Variants in CYP3A5 observed in about 807,000 individuals in gnomAD.
CYP3A5 encodes cytochrome P450 3A5.
CYP3A5 carries 51 observed loss-of-function variants against 55.9 expected under a neutral mutation model. That is an observed-to-expected ratio of 0.91 (90% CI 0.73 to 1.15). The LOEUF is 1.15. Ranked by LOEUF, CYP3A5 falls within the 50% of genes most tolerant of loss-of-function variation. The probability of loss-of-function intolerance (pLI) is 0.00; values close to 1 mark genes in which losing one functional copy is unlikely to be tolerated. For synonymous variants in CYP3A5, 196 were observed against 213.9 expected (o/e 0.92, Z 0.73); for missense variants, 533 against 596.6 (o/e 0.89, Z 1.11).
intron 1 of CYP3A5, chr7:99,677,143 G>T: frequency 1.0e-6 from 1 of 979,280 alleles, no homozygotes; most frequent in Non-Finnish European, 1.2e-6. Context: ...GGCCTGCCTG[G>T]AACTCATCTT....
At chr7:99,673,161 G>A (rs1563002100) in intron 3 of CYP3A5, among the ~76,000 whole-genome samples, 1 of 152,206 alleles carries the variant, frequency 6.6e-6, no homozygotes, top group Non-Finnish European at 1.5e-5. Flanking sequence ...GACATCTAGA[G>A]CTGTGTCATC....
intron 1 of CYP3A5, among the ~76,000 whole-genome samples, chr7:99,677,801 T>C (rs1812435041): frequency 6.6e-6 from 1 of 152,202 alleles, no homozygotes. Flanking sequence ...GTCAAATCAA[T>C]GACACTAATC....
At chr7:99,663,670 C>T (rs936054543) in intron 8 of CYP3A5, 2 of 1,026,028 alleles carry the variant, frequency 1.9e-6, no homozygotes, top group Admixed American at 5.6e-5. Flanking sequence ...AAACAGGAAA[C>T]TTTATCCTTT....
In CYP3A5 at chr7:99,664,109, A is replaced by G. The variant is rs1584442626; in HGVS notation, c.671-14T>C. 2 of 1,551,732 alleles carry G rather than the reference A, an allele frequency of 1.3e-6. No individual in the cohort carries two copies. The highest frequency in any genetic ancestry group is 1.3e-5 in the South Asian group (1 of 79,784). Reference sequence around the variant, plus strand: ...ATGGAAAGAGTACTGTGGGAAAAACAAAACAAACAAAAGGAAATCATTGAA... The same window carrying G: ...ATGGAAAGAGTACTGTGGGAAAAACGAAACAAACAAAAGGAAATCATTGAA... On this transcript the variant is annotated splice_polypyrimidine_tract_variant and intron_variant, in intron 7 of 12. Coordinates refer to ENST00000222982, the MANE Select transcript of CYP3A5 (RefSeq NM_000777.5).
intron 4 of CYP3A5, among the ~76,000 whole-genome samples, chr7:99,667,352 T>C (rs544243208): frequency 4.6e-4 from 70 of 152,302 alleles, no homozygotes; most frequent in African/African-American, 1.6e-3. Flanking sequence ...AGGGAACTGT[T>C]CTTCCAGTGG....
At chr7:99,655,778 T>C (rs1809661586) in intron 10 of CYP3A5, among the ~76,000 whole-genome samples, 1 of 152,248 alleles carries the variant, frequency 6.6e-6, no homozygotes, top group African/African-American at 2.4e-5. Flanking sequence ...GTAATTCTCC[T>C]TGAAGAGGTC....
intron 10 of CYP3A5, 53 bp from the exon 11 acceptor site, chr7:99,652,832 A>G (rs1356689697): frequency 7.3e-7 from 1 of 1,375,492 alleles, no homozygotes; most frequent in Non-Finnish European, 1.0e-6. Context: ...TTAACTCTCA[A>G]CTGAGTCCAT....
intron 11 of CYP3A5, among the ~76,000 whole-genome samples, chr7:99,651,281 T>C (rs1809162180): frequency 6.6e-6 from 1 of 152,218 alleles, no homozygotes; most frequent in Non-Finnish European, 1.5e-5. Context: ...CATATACGTA[T>C]ATATCACATG....
chr7:99,678,515 T>C (rs975675514), intron 1 of CYP3A5, among the ~76,000 whole-genome samples: 7 of 152,194 alleles, frequency 4.6e-5, no homozygotes, highest in African/African-American at 1.7e-4. Context: ...TGCAGTCTTG[T>C]CTTAGAGGTA....
chr7:99,656,580 A>T (rs1016489146), intron 10 of CYP3A5, among the ~76,000 whole-genome samples: 1 of 152,140 alleles, frequency 6.6e-6, no homozygotes, highest in African/African-American at 2.4e-5. Context: ...TGGTATCAGG[A>T]TGATGCTGGC....
intron 8 of CYP3A5, 69 bp downstream of exon 8, chr7:99,663,899 C>G: frequency 6.6e-7 from 1 of 1,512,618 alleles, no homozygotes; most frequent in Non-Finnish European, 8.8e-7. Flanking sequence ...GATACATGCT[C>G]TATCATGTGT....
chr7:99,650,429 T>C (rs1033937190), intron 11 of CYP3A5, among the ~76,000 whole-genome samples, 197 bp from the exon 12 acceptor site: 11 of 152,230 alleles, frequency 7.2e-5, no homozygotes, highest in African/African-American at 1.9e-4. Flanking sequence ...CTTTAAATTC[T>C]CCATACCCTA....
intron 9 of CYP3A5, among the ~76,000 whole-genome samples, chr7:99,661,169 A>G (rs1031133787): frequency 1.3e-5 from 2 of 152,228 alleles, no homozygotes; most frequent in Admixed American, 6.5e-5. Context: ...TAAAGGACCA[A>G]TACTGAGCTA....
chr7:99,671,805 T>C, intron 4 of CYP3A5: 1 of 702,942 alleles, frequency 1.4e-6, no homozygotes, highest in Non-Finnish European at 2.6e-6. Flanking sequence ...ATGTTGTGAC[T>C]GTAGGACAGC....
chr7:99,672,880 G>A, intron 3 of CYP3A5: 3 of 1,391,322 alleles, frequency 2.2e-6, no homozygotes, highest in South Asian at 1.6e-5. Flanking sequence ...GGCTTCATAT[G>A]ATGAAGGGTA....
Position 99,654,484 on chromosome 7 carries a change from T to G in CYP3A5, c.1027-1705A>C, listed in dbSNP as rs895983551. ...ATTTTCTTAATCCAGTCTATCATTATTGGACATTTGGGTTGGTTCCAAGTC... is the reference window on the plus strand; with the variant it reads ...ATTTTCTTAATCCAGTCTATCATTAGTGGACATTTGGGTTGGTTCCAAGTC... On this transcript the variant is annotated intron_variant, in intron 10 of 12. Transcript: ENST00000222982. Among the ~76,000 whole-genome samples the G allele has an allele frequency of 2.0e-5, 3 of 152,242 alleles. No individual in the cohort carries two copies. In the East Asian group the frequency reaches 5.8e-4, roughly 29 times the overall value.
At chr7:99,676,876 G>A (rs1273193314) in intron 1 of CYP3A5, among the ~76,000 whole-genome samples, 1 of 152,046 alleles carries the variant, frequency 6.6e-6, no homozygotes, top group African/African-American at 2.4e-5. Flanking sequence ...CAGCTTTCAG[G>A]TACACCTCAG....
chr7:99,659,101 C>T (rs1485713529), intron 10 of CYP3A5: 1 of 152,240 alleles, frequency 6.6e-6, no homozygotes, highest in Non-Finnish European at 1.5e-5. Context: ...CATTCTCCAT[C>T]CAGCTTTCCG....
rs1170188103 is a variant in CYP3A5 at position 99,662,813 on chromosome 7, T to C, written c.865+3A>G. 1.2e-6 allele frequency: 2 copies of C among 1,613,656 alleles called. No individual in the cohort carries two copies. The highest frequency in any genetic ancestry group is 1.7e-5 in the Admixed American group (1 of 59,998). On this transcript the variant is annotated splice_donor_region_variant and intron_variant, in intron 9 of 12. Transcript: ENST00000222982. The surrounding 1 kb of genome is among the most constrained non-coding windows in gnomAD (Gnocchi z 4.3). ...GTAGCCCTCAGAAGCACTCCTTGGT[T>C]ACCTTTGTGGGACTCAGTTTCTTTC...
Sources: allele counts gnomAD v4.1 joint callset (sites outside exome capture counted in the v4.1 genomes callset), GRCh38; gene constraint gnomAD v4.1.1; non-coding constraint Gnocchi (gnomAD v3.1); transcripts MANE v1.5; gene names NCBI Gene and HGNC (gene_info 2026-07-23, HGNC 2026-07-21).